Variants in FRMD7 observed in about 807,000 individuals in gnomAD.
FRMD7 encodes FERM domain containing 7, also known as FERM domain-containing protein 7.
Under a neutral mutation model 44.1 loss-of-function variants are expected in FRMD7, and 14 were observed. The observed-to-expected ratio is 0.32, with a 90% CI of 0.21 to 0.50. FRMD7 has a LOEUF of 0.50. FRMD7 is among the 20% of genes least tolerant of loss of function. The pLI, the probability that FRMD7 is intolerant of heterozygous loss-of-function variation, is 0.99. For synonymous variants in FRMD7, 212 were observed against 187.4 expected (o/e 1.13, Z -1.07); for missense variants, 501 against 522.3 (o/e 0.96, Z 0.40).
Position 132,109,415 on chromosome X carries a change from C to G in FRMD7, c.58-8699G>C, listed in dbSNP as rs760624933. On this transcript the variant is annotated intron_variant, in intron 1 of 11. Coordinates refer to ENST00000298542, the MANE Select transcript of FRMD7 (RefSeq NM_194277.3). ...TGTTTGTAATTTTTATCTGCCCAAA[C>G]TCTGGGCTTAATTTTCATGTGCCTG... Among the ~76,000 whole-genome samples the G allele has an allele frequency of 1.6e-4, 18 of 111,967 alleles. No individual in the cohort carries two copies. In the Admixed American group the frequency reaches 1.7e-3, roughly 11 times the overall value.
intron 5 of FRMD7, among the ~76,000 whole-genome samples, chrX:132,092,651 CA>C (rs1870924791): frequency 8.9e-6 from 1 of 111,839 alleles, no homozygotes; most frequent in Non-Finnish European, 1.9e-5. Context: ...TGCTCAAATC[CA>C]TAAGGCAGAA....
chrX:132,085,665 A>G lies in FRMD7; in HGVS notation c.561T>C (p.Tyr187=). Reference sequence around the variant, plus strand: ...CACTGGCGGGGTGAGGCCTGATGCCATACATATCCAGCTTCCTTGCTATGT... The same window carrying G: ...CACTGGCGGGGTGAGGCCTGATGCCGTACATATCCAGCTTCCTTGCTATGT... ...LLDIARKLDM[Y]GIRPHPASDG... The change falls in exon 7 of 12, where the codon TAT becomes TAC. Residue 187 remains tyrosine, a synonymous_variant. Coordinates refer to ENST00000298542, the MANE Select transcript of FRMD7 (RefSeq NM_194277.3). The G allele has an allele frequency of 1.7e-6, 2 of 1,208,776 alleles. No homozygotes were observed. Among genetic ancestry groups the G allele is most frequent in the Non-Finnish European group, 2.2e-6 (2 of 892,668 alleles).
At chrX:132,124,959 A>G (rs930689138) in intron 1 of FRMD7, among the ~76,000 whole-genome samples, 10 of 112,094 alleles carry the variant, frequency 8.9e-5, no homozygotes, top group Non-Finnish European at 1.7e-4. Context: ...TCTCAATGCC[A>G]TGGCCTCTGT....
Position 132,078,010 on chromosome X carries a change from T to G in FRMD7, c.2007A>C (p.Glu669Asp). 1 of 1,210,958 alleles carries G rather than the reference T, an allele frequency of 8.3e-7. No individual in the cohort carries two copies. Among genetic ancestry groups the G allele is most frequent in the Non-Finnish European group, 1.1e-6 (1 of 894,745 alleles). ...GGATTCTGGCCATGGGTGACCTTAT[T>G]TCTTTGCCATACAAAGCATAGTAGT... ...KPDYYALYGK[E>D]IRSPMARIRL... Residue 669 changes from glutamate (E) to aspartate (D), a missense_variant, in exon 12 of 12, where the codon GAA becomes GAC. By Grantham distance (45) the Glu-to-Asp change is conservative. Transcript: ENST00000298542.
intron 5 of FRMD7, among the ~76,000 whole-genome samples, chrX:132,093,495 C>T (rs5933066): frequency 0.043 from 4,847 of 112,476 alleles, 117 homozygotes; most frequent in Non-Finnish European, 0.065. Context: ...TACCTACCTT[C>T]GTTATGCAGC....
At chrX:132,115,392 A>G (rs1020988026) in intron 1 of FRMD7, among the ~76,000 whole-genome samples, 1 of 112,806 alleles carries the variant, frequency 8.9e-6, no homozygotes, top group Admixed American at 9.3e-5. Flanking sequence ...ACCCAGGTAC[A>G]AGTACAGCCA....
intron 1 of FRMD7, among the ~76,000 whole-genome samples, chrX:132,113,191 T>G (rs1200312984): frequency 1.8e-5 from 2 of 112,136 alleles, no homozygotes; most frequent in Non-Finnish European, 3.8e-5. Flanking sequence ...ATTAAAACAA[T>G]TATAATTGTT....
In FRMD7 at chrX:132,081,364, C is replaced by CAA. The variant is rs71827852; in HGVS notation, c.905+997_905+998dup. ...AACAAAACAAAACAAACAACAACAACAAAAAAAAACACAAGAATAATAAAG... is the reference window on the plus strand; with the variant it reads ...AACAAAACAAAACAAACAACAACAACAAAAAAAAAAACACAAGAATAATAAAG... On this transcript the variant is annotated intron_variant, in intron 9 of 11. Transcript: ENST00000298542. Among the ~76,000 whole-genome samples, 122 of 108,653 alleles carry CAA rather than the reference C, an allele frequency of 1.1e-3. 1 individual carries two copies. Among genetic ancestry groups the CAA allele is most frequent in the African/African-American group, 2.6e-3 (77 of 29,735 alleles). The allele number at this position is 108,653 out of a possible 115,157, so 94.4% of individuals were successfully genotyped here.
At chrX:132,118,908 T>C (rs1431569357) in intron 1 of FRMD7, among the ~76,000 whole-genome samples, 1 of 111,183 alleles carries the variant, frequency 9.0e-6, no homozygotes, top group Non-Finnish European at 1.9e-5. Flanking sequence ...GTACTGGCTA[T>C]CTGGGGTTCA....
rs773037705 is a variant in FRMD7, at chrX:132,084,513, T to C, written c.718A>G (p.Ile240Val). Residue 240 changes from isoleucine (I) to valine (V), a missense_variant, in exon 8 of 12, where the codon ATC becomes GTC. Physicochemically the swap from Ile to Val is conservative, Grantham distance 29. This residue lies in a region of FRMD7 where 453 missense variants were observed against 452.7 expected (regional missense o/e 1.00). Transcript: ENST00000298542. ...KLSFKRKHFL[I>V]KLHANILVLC... ...ACCAAGATATTGGCATGAAGTTTGATGAGAAAATGCTTTCTCTTAAAACTC... is the reference window on the plus strand; with the variant it reads ...ACCAAGATATTGGCATGAAGTTTGACGAGAAAATGCTTTCTCTTAAAACTC... 48 of 1,174,097 alleles carry C rather than the reference T, an allele frequency of 4.1e-5. No homozygotes were observed. The Admixed American group carries it at 9.6e-4, about 24-fold the overall frequency.
At chrX:132,081,622 T>A (rs1182605195) in intron 9 of FRMD7, among the ~76,000 whole-genome samples, 1 of 112,447 alleles carries the variant, frequency 8.9e-6, no homozygotes, top group Non-Finnish European at 1.9e-5. Flanking sequence ...TTTTAACAGA[T>A]CTTAATTTTT....
At position 132,082,532 on chromosome X, in the gene FRMD7, T is replaced by C; in HGVS notation, c.742-6A>G. 1 of 1,197,423 alleles carries C rather than the reference T, an allele frequency of 8.4e-7. No homozygotes were observed. On this transcript the variant is annotated splice_polypyrimidine_tract_variant and splice_region_variant and intron_variant, in intron 8 of 11. Transcript: ENST00000298542. ...AAGGTATCCTTGCACAACACCTGTATAAACCAATTTCCATTAAGTAAAACA... is the reference window on the plus strand; with the variant it reads ...AAGGTATCCTTGCACAACACCTGTACAAACCAATTTCCATTAAGTAAAACA...
intron 1 of FRMD7, among the ~76,000 whole-genome samples, chrX:132,109,113 T>C (rs910377102): frequency 8.9e-6 from 1 of 111,882 alleles, no homozygotes; most frequent in African/African-American, 3.3e-5. Flanking sequence ...ATCACACACA[T>C]AACTATTGGT....
chrX:132,127,827 C>T lies in FRMD7; in HGVS notation c.18G>A (p.Val6=). 8.3e-7 allele frequency: 1 copy of T among 1,209,648 alleles called. No individual in the cohort carries two copies. The highest frequency in any genetic ancestry group is 1.1e-6 in the Non-Finnish European group (1 of 893,639). Residue 6 remains valine (V), a synonymous_variant, in exon 1 of 12, where the codon GTG becomes GTA. Transcript: ENST00000298542. ...TCTTCTGGGAATCATCCAAAAACTG[C>T]ACTTTTAAATGTAGCATTCTCAGCG... The part of the protein sequence containing the change: MLHLK[V]QFLDDSQKIF...
At chrX:132,085,205 C>A (rs1927944193) in intron 7 of FRMD7, among the ~76,000 whole-genome samples, 1 of 111,556 alleles carries the variant, frequency 9.0e-6, no homozygotes, top group African/African-American at 3.3e-5. Flanking sequence ...TCCAACTCCT[C>A]TAAACTCCCT....
intron 1 of FRMD7, among the ~76,000 whole-genome samples, chrX:132,112,999 G>A (rs941333975): frequency 3.6e-5 from 4 of 111,077 alleles, no homozygotes; most frequent in East Asian, 2.8e-4. Flanking sequence ...ACTAAGGGGG[G>A]CAGGGGTGAA....
chrX:132,108,485 T>A lies in FRMD7; in HGVS notation c.58-7769A>T, dbSNP rs753827246. Among the ~76,000 whole-genome samples, 5 of 112,128 alleles carry A rather than the reference T, an allele frequency of 4.5e-5. No individual in the cohort carries two copies. The South Asian group carries it at 1.9e-3, about 42-fold the overall frequency. The stretch of plus-strand genomic sequence containing the variant: ...TTCATGTAAAGTACTTTACACAGTG[T>A]CTGACACATAGGAAGAACTCAATAA... On this transcript the variant is annotated intron_variant, in intron 1 of 11. Coordinates refer to ENST00000298542, the MANE Select transcript of FRMD7 (RefSeq NM_194277.3).
At chrX:132,083,840 G>T in intron 8 of FRMD7, among the ~76,000 whole-genome samples, 1 of 111,537 alleles carries the variant, frequency 9.0e-6, no homozygotes, top group South Asian at 3.8e-4. Context: ...GCACATGCCT[G>T]TAGTCCTAGC....
At chrX:132,127,707 A>G in intron 1 of FRMD7, 81 bp downstream of exon 1, 1 of 769,006 alleles carries the variant, frequency 1.3e-6, no homozygotes, top group Non-Finnish European at 2.0e-6. Flanking sequence ...AAGACATAAC[A>G]TTGCTCTCTA....
Sources: allele counts gnomAD v4.1 joint callset (sites outside exome capture counted in the v4.1 genomes callset), GRCh38; gene constraint gnomAD v4.1.1; regional missense constraint gnomAD v4.1.1; transcripts MANE v1.5; gene names NCBI Gene and HGNC (gene_info 2026-07-23, HGNC 2026-07-21).